MBD5: variants seen among roughly 807,000 people sequenced by gnomAD.
The protein encoded by MBD5 is methyl-CpG-binding domain protein 5.
MBD5 carries 13 observed loss-of-function variants against 117.3 expected under a neutral mutation model. The observed-to-expected ratio is 0.11, with a 90% CI of 0.07 to 0.18. The LOEUF is 0.18. MBD5 is among the 10% of genes least tolerant of loss of function. The pLI, the probability that MBD5 is intolerant of heterozygous loss-of-function variation, is 1.00. For synonymous variants in MBD5, 727 were observed against 766.4 expected, an observed-to-expected ratio of 0.95 and a Z score of 0.85; for missense variants, 1,879 against 2,093.8, an observed-to-expected ratio of 0.90 and a Z score of 2.00.
At chr2:148,439,155 A>T (rs1706242140) in intron 4 of MBD5, among the ~76,000 whole-genome samples, 1 of 152,158 alleles carries the variant, frequency 6.6e-6, no homozygotes, top group Admixed American at 6.6e-5. Flanking sequence ...CTTCCTCAGA[A>T]GTTGACTTTC....
chr2:148,205,145 C>T (rs1012993121), intron 2 of MBD5, among the ~76,000 whole-genome samples: 3 of 151,940 alleles, frequency 2.0e-5, no homozygotes, highest in Non-Finnish European at 2.9e-5. Context: ...GGCGTAATCT[C>T]GGCTCACTGT....
At chr2:148,436,342 TG>T (rs1042554717) in intron 4 of MBD5, among the ~76,000 whole-genome samples, 14 of 152,128 alleles carry the variant, frequency 9.2e-5, no homozygotes, top group African/African-American at 3.4e-4. Flanking sequence ...AATTCTTTCT[TG>T]GTTTTTTTGT....
chr2:148,049,860 C>T (rs1694645670), intron 1 of MBD5, among the ~76,000 whole-genome samples: 1 of 152,138 alleles, frequency 6.6e-6, no homozygotes, highest in Non-Finnish European at 1.5e-5. Context: ...AATAAGGTTT[C>T]ATTCATATGC....
intron 1 of MBD5, among the ~76,000 whole-genome samples, chr2:148,177,756 T>C (rs1698424818): frequency 6.6e-6 from 1 of 152,128 alleles, no homozygotes; most frequent in Admixed American, 6.5e-5. Context: ...ATATGCTGAG[T>C]GTGAATATAT....
chr2:148,350,684 T>A (rs1703228871), intron 4 of MBD5, among the ~76,000 whole-genome samples: 1 of 152,036 alleles, frequency 6.6e-6, no homozygotes, highest in African/African-American at 2.4e-5. Context: ...TTTTCTTGCA[T>A]GGGATGTAAA....
At chr2:148,389,266 ATATATATATAT>A (rs1704485718) in intron 4 of MBD5, among the ~76,000 whole-genome samples, 1 of 56,562 alleles carries the variant, frequency 1.8e-5, no homozygotes, top group Non-Finnish European at 3.2e-5. Context: ...ATATATATAT[ATATATATATAT>A]ATATATATAT....
intron 1 of MBD5, among the ~76,000 whole-genome samples, chr2:148,031,468 C>T (rs368159393): frequency 6.6e-6 from 1 of 152,024 alleles, no homozygotes; most frequent in Non-Finnish European, 1.5e-5. Flanking sequence ...CAGGTAAAGA[C>T]AAAGCTTCCA....
chr2:148,331,133 G>C (rs1180880558), intron 3 of MBD5, among the ~76,000 whole-genome samples: 1 of 152,104 alleles, frequency 6.6e-6, no homozygotes, highest in African/African-American at 2.4e-5. Context: ...CTGTTTTCTA[G>C]AAATTTCTCC....
chr2:148,484,156 A>G (rs1681260893), intron 9 of MBD5, 21 bp downstream of exon 9: 3 of 1,414,502 alleles, frequency 2.1e-6, no homozygotes, highest in Non-Finnish European at 2.8e-6. Context: ...TTTTTTCACA[A>G]ATTTTTTACA....
chr2:148,390,797 G>A (rs1704550577), intron 4 of MBD5, among the ~76,000 whole-genome samples: 1 of 152,156 alleles, frequency 6.6e-6, no homozygotes, highest in African/African-American at 2.4e-5. Flanking sequence ...CTGGGCTCAG[G>A]CGAACCTCCC....
chr2:148,293,775 A>G (rs1327533523), intron 3 of MBD5, among the ~76,000 whole-genome samples: 1 of 152,164 alleles, frequency 6.6e-6, no homozygotes, highest in Admixed American at 6.5e-5. Flanking sequence ...ATGTCCTTTA[A>G]TGGTTGAGGA....
intron 3 of MBD5, among the ~76,000 whole-genome samples, chr2:148,324,048 G>C (rs997038416): frequency 2.0e-5 from 3 of 152,120 alleles, no homozygotes; most frequent in Admixed American, 6.5e-5. Context: ...TCCAGTTACA[G>C]CTTTTTACAT....
intron 4 of MBD5, among the ~76,000 whole-genome samples, chr2:148,343,211 C>T (rs1018174565): frequency 6.6e-6 from 1 of 151,934 alleles, no homozygotes; most frequent in Admixed American, 6.6e-5. Flanking sequence ...GGAATCTTTA[C>T]TATGAAGAAT....
At chr2:148,138,189 G>A (rs1230132774) in intron 1 of MBD5, among the ~76,000 whole-genome samples, 1 of 152,106 alleles carries the variant, frequency 6.6e-6, no homozygotes, top group South Asian at 2.1e-4. Context: ...TACTTGCAAA[G>A]GCCTCATACA....
intron 1 of MBD5, among the ~76,000 whole-genome samples, chr2:148,092,278 G>C (rs1270459422): frequency 6.6e-6 from 1 of 152,170 alleles, no homozygotes; most frequent in Non-Finnish European, 1.5e-5. Context: ...ACTAAAAGTA[G>C]AACTACCATT....
chr2:148,356,586 T>A (rs951511054), intron 4 of MBD5, among the ~76,000 whole-genome samples: 3 of 152,180 alleles, frequency 2.0e-5, no homozygotes, highest in African/African-American at 7.2e-5. Flanking sequence ...ATTAATTTAA[T>A]TAGTGATTAA....
Position 148,468,734 on chromosome 2 carries a change from G to T in MBD5, c.791G>T (p.Ser264Ile). 6.2e-7 allele frequency: 1 copy of T among 1,613,858 alleles called. No individual in the cohort carries two copies. Among genetic ancestry groups the T allele is most frequent in the Non-Finnish European group, 8.5e-7 (1 of 1,179,898 alleles). ...NPGFHGAPNS[S>I]PIHLNRTPLS... ...GGTTTTCATGGAGCTCCCAATTCTA[G>T]TCCTATTCACCTGAATAGGACTCCT... The change falls in exon 8 of 14, where the codon AGT becomes ATT. Residue 264 changes from serine (S) to isoleucine (I), a missense_variant. This residue lies in a region of MBD5 where 1,666 missense variants were observed against 1,792.2 expected (regional missense o/e 0.93). Coordinates refer to ENST00000642680, the MANE Select transcript of MBD5 (RefSeq NM_001378120.1).
intron 4 of MBD5, among the ~76,000 whole-genome samples, chr2:148,448,857 T>A (rs1706642792): frequency 6.6e-6 from 1 of 152,084 alleles, no homozygotes; most frequent in Non-Finnish European, 1.5e-5. Flanking sequence ...AATGCACAGA[T>A]AAGATGTGAA....
At chr2:148,139,697 C>T (rs558171182) in intron 1 of MBD5, among the ~76,000 whole-genome samples, 1 of 152,294 alleles carries the variant, frequency 6.6e-6, no homozygotes, top group South Asian at 2.1e-4. Context: ...TTGTACCTTT[C>T]TTCCCAGGAT....
Sources: gnomAD v4.1 joint callset for allele counts (sites outside exome capture counted in the v4.1 genomes callset) on GRCh38, gnomAD v4.1.1 for gene constraint, gnomAD v4.1.1 regional missense constraint, MANE v1.5 for transcripts, NCBI Gene and HGNC (gene_info 2026-07-23, HGNC 2026-07-21) for gene names.